GFRAL: variants seen among roughly 807,000 people sequenced by gnomAD.
GFRAL encodes GDNF family receptor alpha like, also known as GDNF family receptor alpha-like.
GFRAL carries 36 observed loss-of-function variants against 45.4 expected under a neutral mutation model. That is an observed-to-expected ratio of 0.79 (90% CI 0.61 to 1.05). The LOEUF is 1.05. GFRAL is among the 50% of genes least tolerant of loss of function. The pLI is 0.00. For missense variants in GFRAL, 507 were observed against 467.5 expected (o/e 1.08, Z -0.78); for synonymous variants, 166 against 154.1 (o/e 1.08, Z -0.57).
At chr6:55,357,464 A>T (rs1013609417) in intron 5 of GFRAL, among the ~76,000 whole-genome samples, 1 of 151,558 alleles carries the variant, frequency 6.6e-6, no homozygotes, top group Non-Finnish European at 1.5e-5. Flanking sequence ...TATTTTGTCT[A>T]ATTAAAGTAT....
rs542252049 is a variant in GFRAL at position 55,377,853 on chromosome 6, A to G, written c.952+18715A>G. Among the ~76,000 whole-genome samples the G allele has an allele frequency of 1.7e-4, 26 of 152,236 alleles. No homozygotes were observed. The South Asian group carries it at 5.2e-3, about 30-fold the overall frequency. ...AAGCATAAAGCAATGACTTTTGTGCAGTAGTTTATCTGGGAGCACATGTAA... is the reference window on the plus strand; with the variant it reads ...AAGCATAAAGCAATGACTTTTGTGCGGTAGTTTATCTGGGAGCACATGTAA... On this transcript the variant is annotated intron_variant, in intron 6 of 8. Transcript: ENST00000340465.
intron 6 of GFRAL, among the ~76,000 whole-genome samples, chr6:55,398,776 A>C (rs866873655): frequency 1.3e-5 from 2 of 152,286 alleles, no homozygotes. Context: ...CAAGGGAAAA[A>C]AGCAAAACTA....
At chr6:55,336,086 A>G (rs1767887469) in intron 3 of GFRAL, among the ~76,000 whole-genome samples, 1 of 152,116 alleles carries the variant, frequency 6.6e-6, no homozygotes, top group Non-Finnish European at 1.5e-5. Context: ...TTGGGATTAC[A>G]GGCATGTGCC....
intron 6 of GFRAL, among the ~76,000 whole-genome samples, chr6:55,366,076 CT>C (rs1554189413): frequency 1.3e-5 from 2 of 151,460 alleles, no homozygotes; most frequent in Non-Finnish European, 2.9e-5. Flanking sequence ...GTCCTTGACT[CT>C]TTTTGGTTGG....
chr6:55,382,063 T>TA (rs979241166), intron 6 of GFRAL, among the ~76,000 whole-genome samples: 1 of 151,868 alleles, frequency 6.6e-6, no homozygotes, highest in Admixed American at 6.6e-5. Context: ...GTCCAGGTGC[T>TA]AAAAAAGCTT....
intron 5 of GFRAL, among the ~76,000 whole-genome samples, chr6:55,355,193 A>G (rs948552990): frequency 6.6e-6 from 1 of 151,704 alleles, no homozygotes; most frequent in Non-Finnish European, 1.5e-5. Context: ...CCATAATTGC[A>G]TATAAGAAAA....
At chr6:55,398,795 A>G (rs1768858993) in intron 6 of GFRAL, among the ~76,000 whole-genome samples, 1 of 152,210 alleles carries the variant, frequency 6.6e-6, no homozygotes, top group South Asian at 2.1e-4. Context: ...TAGGTATTCC[A>G]GTATCTGAGT....
At chr6:55,345,268 G>T (rs1394914459) in intron 3 of GFRAL, among the ~76,000 whole-genome samples, 1 of 152,262 alleles carries the variant, frequency 6.6e-6, no homozygotes, top group East Asian at 1.9e-4. Flanking sequence ...AAAGCTGGAG[G>T]CATCTTGCTA....
At chr6:55,361,757 G>A (rs573740896) in intron 6 of GFRAL, among the ~76,000 whole-genome samples, 4 of 151,874 alleles carry the variant, frequency 2.6e-5, no homozygotes, top group African/African-American at 7.3e-5. Context: ...TCATTGCCCC[G>A]ACTTCTCACA....
intron 1 of GFRAL, among the ~76,000 whole-genome samples, chr6:55,331,131 C>CG (rs200213344): frequency 0.013 from 1,988 of 152,192 alleles, 23 homozygotes; most frequent in Non-Finnish European, 0.022. Flanking sequence ...ATCAGACTAA[C>CG]ATTTTAGTTC....
At chr6:55,361,476 G>A (rs141253924) in intron 6 of GFRAL, among the ~76,000 whole-genome samples, 46 of 151,748 alleles carry the variant, frequency 3.0e-4, no homozygotes, top group African/African-American at 1.1e-3. Context: ...TAGTTATAAT[G>A]TATCTTTTAT....
At chr6:55,356,322 A>C (rs979038782) in intron 5 of GFRAL, among the ~76,000 whole-genome samples, 1 of 151,848 alleles carries the variant, frequency 6.6e-6, no homozygotes, top group South Asian at 2.1e-4. Flanking sequence ...GTTTGGTAAA[A>C]TTCAGCATCA....
At chr6:55,392,988 C>T (rs181132739) in intron 6 of GFRAL, among the ~76,000 whole-genome samples, 36 of 152,218 alleles carry the variant, frequency 2.4e-4, no homozygotes, top group African/African-American at 6.3e-4. Flanking sequence ...TCGTACATAG[C>T]GTTTGCATAT....
chr6:55,364,974 A>T (rs1768338959), intron 6 of GFRAL, among the ~76,000 whole-genome samples: 1 of 150,788 alleles, frequency 6.6e-6, no homozygotes, highest in Non-Finnish European at 1.5e-5. Context: ...AATTCTGTGA[A>T]GAAAGTCATT....
intron 6 of GFRAL, among the ~76,000 whole-genome samples, chr6:55,385,104 A>G (rs1209057978): frequency 6.6e-6 from 1 of 152,116 alleles, no homozygotes; most frequent in Non-Finnish European, 1.5e-5. Flanking sequence ...AAGAAACTAC[A>G]GAAATAGTGA....
At chr6:55,379,418 T>C (rs2127362746) in intron 6 of GFRAL, among the ~76,000 whole-genome samples, 1 of 152,182 alleles carries the variant, frequency 6.6e-6, no homozygotes, top group African/African-American at 2.4e-5. Context: ...ACCATTAGGC[T>C]TCTTTTATTT....
chr6:55,333,808 G>A lies in GFRAL; in HGVS notation c.180G>A (p.Met60Ile). Residue 60 changes from methionine (M) to isoleucine (I), a missense_variant, in exon 3 of 9, where the codon ATG becomes ATA. Met to Ile is a conservative substitution (Grantham distance 10, BLOSUM62 1). Transcript: ENST00000340465. ...GAGATCCAGGTGACCCCTGCAAGAT[G>A]AGGAATTCATCATACTGTAACCTGA... is the stretch of plus-strand genomic sequence containing the variant. ...NDSDPGDPCKMRNSSYCNLSI... is the reference protein window; with the variant it reads ...NDSDPGDPCKIRNSSYCNLSI... 1.3e-6 allele frequency: 2 copies of A among 1,598,976 alleles called. No individual in the cohort carries two copies. The highest frequency in any genetic ancestry group is 1.7e-6 in the Non-Finnish European group (2 of 1,173,500).
intron 1 of GFRAL, 25 bp downstream of exon 1, chr6:55,327,601 A>C: frequency 1.2e-6 from 2 of 1,605,030 alleles, no homozygotes; most frequent in Non-Finnish European, 1.7e-6. Flanking sequence ...CTTCTGGTTT[A>C]TCTGAATTAT....
intron 3 of GFRAL, among the ~76,000 whole-genome samples, chr6:55,348,493 A>C (rs948053160): frequency 6.6e-6 from 1 of 151,952 alleles, no homozygotes; most frequent in African/African-American, 2.4e-5. Context: ...CAAAAATTGT[A>C]TTTTTCCCCA....
Sources: allele counts gnomAD v4.1 joint callset (sites outside exome capture counted in the v4.1 genomes callset), GRCh38; gene constraint gnomAD v4.1.1; transcripts MANE v1.5; gene names NCBI Gene and HGNC (gene_info 2026-07-23, HGNC 2026-07-21).